Variants in GPHN observed in about 807,000 individuals in gnomAD.
GPHN encodes gephyrin.
In GPHN, 17 loss-of-function variants were observed where a neutral mutation model predicts 95.5. That is an observed-to-expected ratio of 0.18 (90% confidence interval 0.12 to 0.27). The LOEUF (loss-of-function observed/expected upper bound fraction) is 0.27. GPHN is among the 10% of genes least tolerant of loss of function. GPHN has a pLI of 1.00. For synonymous variants in GPHN, 320 were observed against 322.5 expected (o/e 0.99, Z 0.08); for missense variants, 660 against 978.1 (o/e 0.67, Z 4.34).
chr14:66,904,470 C>T (rs2065275070), intron 5 of GPHN, among the ~76,000 whole-genome samples: 1 of 152,110 alleles, frequency 6.6e-6, no homozygotes, highest in African/African-American at 2.4e-5. Context: ...TTTTACAAAC[C>T]TCTAGCTAGC....
At chr14:66,514,372 G>A (rs1253601018) in intron 1 of GPHN, among the ~76,000 whole-genome samples, 1 of 151,994 alleles carries the variant, frequency 6.6e-6, no homozygotes, top group East Asian at 1.9e-4. Flanking sequence ...AAAGAACACT[G>A]TAAGAACTAT....
chr14:66,840,956 C>CT lies in GPHN; in HGVS notation c.294+16392dup, dbSNP rs113602204. On this transcript the variant is annotated intron_variant, in intron 4 of 22. Coordinates refer to ENST00000478722, the MANE Select transcript of GPHN (RefSeq NM_020806.5). Reference sequence around the variant, plus strand: ...AATGCTTCATGGACTCAAATATGTACTTAAAGCCTACTAGATAGATATAGA... The same window carrying CT: ...AATGCTTCATGGACTCAAATATGTACTTTAAAGCCTACTAGATAGATATAGA... 2.7e-3 allele frequency among the ~76,000 whole-genome samples: 399 copies of CT among 146,556 alleles called. 7 individuals carry two copies. Among genetic ancestry groups the CT allele is most frequent in the African/African-American group, 9.7e-3 (378 of 39,088 alleles).
At chr14:66,984,574 A>G (rs933452909) in intron 9 of GPHN, among the ~76,000 whole-genome samples, 1 of 152,224 alleles carries the variant, frequency 6.6e-6, no homozygotes. Flanking sequence ...AGCAATTTCC[A>G]TATGCTATCA....
At chr14:66,674,926 A>G (rs150230695) in intron 1 of GPHN, among the ~76,000 whole-genome samples, 55 of 152,308 alleles carry the variant, frequency 3.6e-4, no homozygotes, top group Non-Finnish European at 7.2e-4. Flanking sequence ...ACTAATTTAC[A>G]TATCCACAAA....
chr14:67,223,647 C>T, the GPHN span: 11 of 847,206 alleles, frequency 1.3e-5, no homozygotes, highest in African/African-American at 1.8e-5. Flanking sequence ...ATGGGCATGT[C>T]GTTTTCCACA....
chr14:67,212,913 T>C, the GPHN span, among the ~76,000 whole-genome samples: 1 of 151,064 alleles, frequency 6.6e-6, no homozygotes, highest in East Asian at 1.9e-4. Context: ...ATTCAAAGTG[T>C]TGGTTCTTGG....
chr14:66,652,053 A>G (rs1265138427), intron 1 of GPHN, among the ~76,000 whole-genome samples: 1 of 152,098 alleles, frequency 6.6e-6, no homozygotes, highest in Non-Finnish European at 1.5e-5. Context: ...GGCGCCAAAA[A>G]GGTTGGGGAA....
chr14:67,198,440 A>G, the GPHN span: 25 of 931,038 alleles, frequency 2.7e-5, no homozygotes, highest in South Asian at 4.0e-4. Flanking sequence ...TGATACTACA[A>G]AAGAGAACAG....
At chr14:66,675,380 A>G (rs1431014877) in intron 1 of GPHN, among the ~76,000 whole-genome samples, 2 of 151,904 alleles carry the variant, frequency 1.3e-5, no homozygotes, top group Non-Finnish European at 2.9e-5. Context: ...TCTTGACCTC[A>G]TGATCTGCCC....
At chr14:66,803,283 C>T (rs1415567674) in intron 3 of GPHN, among the ~76,000 whole-genome samples, 1 of 152,174 alleles carries the variant, frequency 6.6e-6, no homozygotes, top group East Asian at 1.9e-4. Flanking sequence ...TGCACCACAC[C>T]TCCACTGCCA....
intron 2 of GPHN, among the ~76,000 whole-genome samples, chr14:66,725,066 A>G (rs1206982368): frequency 2.0e-5 from 3 of 152,178 alleles, no homozygotes; most frequent in Non-Finnish European, 4.4e-5. Context: ...TCTTAATGCA[A>G]TAGGACGGTG....
chr14:67,683,387 T>C, the GPHN span, among the ~76,000 whole-genome samples: 24 of 152,276 alleles, frequency 1.6e-4, 1 homozygote, highest in African/African-American at 5.5e-4. Flanking sequence ...CAGAACCACA[T>C]TTCCAACTAT....
At chr14:67,537,346 AAAT>A in the GPHN span, among the ~76,000 whole-genome samples, 3,127 of 126,568 alleles carry the variant, frequency 0.025, 180 homozygotes, top group African/African-American at 0.091. Context: ...TCCATCTCAA[AAAT>A]AATAATAATA....
At chr14:67,340,580 T>C in the GPHN span, 2 of 1,331,182 alleles carry the variant, frequency 1.5e-6, no homozygotes, top group Non-Finnish European at 2.1e-6. Context: ...AAATTATCAG[T>C]GCTCATTTGT....
chr14:67,129,497 C>G (rs1400980330), intron 17 of GPHN, among the ~76,000 whole-genome samples: 1 of 152,056 alleles, frequency 6.6e-6, no homozygotes, highest in Non-Finnish European at 1.5e-5. Flanking sequence ...ATCTTAATGT[C>G]TATATTGACT....
the GPHN span, chr14:67,577,373 C>A: frequency 6.3e-7 from 1 of 1,591,374 alleles, no homozygotes; most frequent in Non-Finnish European, 8.6e-7. Flanking sequence ...CACCACCCTG[C>A]CCTCTGAGGC....
At chr14:67,444,596 C>T in the GPHN span, among the ~76,000 whole-genome samples, 32 of 152,258 alleles carry the variant, frequency 2.1e-4, no homozygotes, top group Non-Finnish European at 3.4e-4. Context: ...TCCTTACACA[C>T]CTGAGTTTAT....
At chr14:66,952,076 T>C (rs2068143553) in intron 8 of GPHN, among the ~76,000 whole-genome samples, 4 of 152,184 alleles carry the variant, frequency 2.6e-5, no homozygotes, top group Admixed American at 6.5e-5. Context: ...TTTTAAAGTG[T>C]GTGATTCAGT....
At chr14:67,732,096 C>T in the GPHN span, among the ~76,000 whole-genome samples, 2 of 144,464 alleles carry the variant, frequency 1.4e-5, no homozygotes, top group Non-Finnish European at 3.0e-5. Context: ...CACTGCACTC[C>T]AGCCTGGGCG....
Sources: allele counts gnomAD v4.1 joint callset (sites outside exome capture counted in the v4.1 genomes callset), GRCh38; gene constraint gnomAD v4.1.1; transcripts MANE v1.5; gene names NCBI Gene and HGNC (gene_info 2026-07-23, HGNC 2026-07-21).